The following AKT3 variants were observed in gnomAD, a reference collection of about 807,000 sequenced individuals.
AKT3 encodes RAC-gamma serine/threonine-protein kinase.
Under a neutral mutation model 65.3 loss-of-function variants are expected in AKT3, and 15 were observed. The ratio of observed to expected loss-of-function variants is 0.23; its 90% CI spans 0.15 to 0.35. AKT3 has a LOEUF of 0.35. Ranked by LOEUF, AKT3 falls within the 10% of genes least tolerant of loss-of-function variation. AKT3 has a pLI of 1.00. For synonymous variants in AKT3, 206 were observed against 183.8 expected, an observed-to-expected ratio of 1.12 and a Z score of -0.98; for missense variants, 243 against 576.5, an observed-to-expected ratio of 0.42 and a Z score of 5.92.
intron 12 of AKT3, among the ~76,000 whole-genome samples, chr1:243,517,746 GTCTAA>G (rs1670458024): frequency 6.6e-6 from 1 of 152,184 alleles, no homozygotes; most frequent in Admixed American, 6.5e-5. Context: ...TTTTTACCAA[GTCTAA>G]TCTCTGTCTT....
chr1:243,775,120 C>T (rs1690465676), intron 2 of AKT3, among the ~76,000 whole-genome samples: 1 of 152,112 alleles, frequency 6.6e-6, no homozygotes, highest in African/African-American at 2.4e-5. Flanking sequence ...GCCTCAAATT[C>T]CCAGAGTGTT....
chr1:243,514,741 A>C (rs1472383286), intron 12 of AKT3, among the ~76,000 whole-genome samples: 1 of 152,182 alleles, frequency 6.6e-6, no homozygotes, highest in Non-Finnish European at 1.5e-5. Context: ...TGGAAGGATC[A>C]CTTCAGCCCA....
chr1:243,797,789 T>G (rs931273812), intron 2 of AKT3, among the ~76,000 whole-genome samples: 23 of 151,424 alleles, frequency 1.5e-4, no homozygotes, highest in African/African-American at 5.6e-4. Context: ...TGTATAACTA[T>G]CAGAAGAGCT....
In AKT3 at chr1:243,810,448, C is replaced by T. The variant is rs1330492759; in HGVS notation, c.46+32677G>A. ...TAGAAGAAACGGATAAATTCCTCGACACATACACTCCCCCAAGACTAAACC... is the reference window on the plus strand; with the variant it reads ...TAGAAGAAACGGATAAATTCCTCGATACATACACTCCCCCAAGACTAAACC... On this transcript the variant is annotated intron_variant, in intron 2 of 13. Transcript: ENST00000673466. Among the ~76,000 whole-genome samples, 6 of 151,782 alleles carry T rather than the reference C, an allele frequency of 4.0e-5. No homozygotes were observed. The East Asian group carries it at 1.2e-3, about 29-fold the overall frequency.
intron 4 of AKT3, among the ~76,000 whole-genome samples, chr1:243,662,426 AATC>A (rs1458788880): frequency 2.0e-5 from 3 of 152,096 alleles, no homozygotes; most frequent in Non-Finnish European, 4.4e-5. Flanking sequence ...TGAAATTGGA[AATC>A]ATCATTCTCA....
intron 9 of AKT3, among the ~76,000 whole-genome samples, chr1:243,567,604 C>T (rs969730398): frequency 2.0e-5 from 3 of 148,848 alleles, no homozygotes; most frequent in African/African-American, 7.4e-5. Context: ...GCTGGGATTA[C>T]AAGTTTGAGC....
intron 4 of AKT3, among the ~76,000 whole-genome samples, chr1:243,659,798 A>G (rs931383158): frequency 1.3e-5 from 2 of 152,242 alleles, no homozygotes; most frequent in African/African-American, 4.8e-5. Flanking sequence ...GCAGAATATT[A>G]AAAATAGAGA....
At chr1:243,741,967 A>C (rs1271475785) in intron 2 of AKT3, among the ~76,000 whole-genome samples, 1 of 151,876 alleles carries the variant, frequency 6.6e-6, no homozygotes, top group African/African-American at 2.4e-5. Context: ...CCTGTAAACT[A>C]CAGTATTTTT....
intron 3 of AKT3, among the ~76,000 whole-genome samples, chr1:243,685,277 TGG>T (rs1299243489): frequency 6.6e-6 from 1 of 152,228 alleles, no homozygotes; most frequent in African/African-American, 2.4e-5. Flanking sequence ...AGGGTTTTTA[TGG>T]TTTTACAGTT....
At chr1:243,685,482 T>C in intron 3 of AKT3, among the ~76,000 whole-genome samples, 1 of 152,222 alleles carries the variant, frequency 6.6e-6, no homozygotes, top group East Asian at 1.9e-4. Context: ...AAAGATCAGA[T>C]GACTGTAGAT....
chr1:243,497,854 A>G (rs75828119), downstream of AKT3, among the ~76,000 whole-genome samples: 404 of 151,816 alleles, frequency 2.7e-3, 1 homozygote, highest in African/African-American at 9.5e-3. Context: ...AATTTTTACA[A>G]TTTTTTTTGT....
chr1:243,564,888 T>C (rs1416039591), intron 9 of AKT3, among the ~76,000 whole-genome samples: 1 of 152,168 alleles, frequency 6.6e-6, no homozygotes, highest in African/African-American at 2.4e-5. Context: ...GTGATGACAT[T>C]TGAAAGAATG....
Position 243,637,717 on chromosome 1 carries a change from T to C in AKT3, c.455A>G (p.Lys152Arg), listed in dbSNP as rs1426791205. 1 of 1,565,340 alleles carries C rather than the reference T, an allele frequency of 6.4e-7. No homozygotes were observed. The highest frequency in any genetic ancestry group is 8.8e-7 in the Non-Finnish European group (1 of 1,140,296). Residue 152 changes from lysine to arginine, a missense_variant, in exon 6 of 14, where the codon AAA (lysine) becomes AGA (arginine). By Grantham distance (26) the Lys-to-Arg change is conservative. Coordinates refer to ENST00000673466, the MANE Select transcript of AKT3 (RefSeq NM_005465.7). ...RKTMNDFDYL[K>R]LLGKGTFGKV... ...CCCAAAAGTGCCTTTACCTAGTAGT[T>C]TCAAATAGTCAAAATCATTCATTGT...
At chr1:243,558,276 T>C (rs2148477262) in intron 10 of AKT3, among the ~76,000 whole-genome samples, 1 of 152,176 alleles carries the variant, frequency 6.6e-6, no homozygotes, top group South Asian at 2.1e-4. Context: ...TATCTTTGGT[T>C]TTTAATTTAT....
chr1:243,785,300 G>T (rs537588086), intron 2 of AKT3, among the ~76,000 whole-genome samples: 1 of 149,954 alleles, frequency 6.7e-6, no homozygotes, highest in African/African-American at 2.5e-5. Flanking sequence ...GGATGGTCTC[G>T]ATCTCCTGAC....
chr1:243,566,943 C>T lies in AKT3; in HGVS notation c.820-3095G>A, dbSNP rs1373101621. On this transcript the variant is annotated intron_variant, in intron 9 of 13. Coordinates refer to ENST00000673466, the MANE Select transcript of AKT3 (RefSeq NM_005465.7). The stretch of plus-strand genomic sequence containing the variant: ...TAAAACATTTCTGTTGGCTCAATGA[C>T]TGCATTAAAAATACTTTTCAATATG... 3.9e-5 allele frequency among the ~76,000 whole-genome samples: 6 copies of T among 152,186 alleles called. No homozygotes were observed. The East Asian group carries it at 1.2e-3, about 29-fold the overall frequency.
Position 243,535,330 on chromosome 1 carries a change from G to C in AKT3, c.1251+10180C>G, listed in dbSNP as rs193069500. 2.8e-3 allele frequency among the ~76,000 whole-genome samples: 428 copies of C among 151,786 alleles called. 7 individuals are homozygous for C. The highest frequency in any genetic ancestry group is 0.022 in the Admixed American group (331 of 15,234). ...TGTACCCATCACCCAAATAGTGTAC[G>C]TTGTACCCAACAGGTGACTTTTCAT... On this transcript the variant is annotated intron_variant, in intron 12 of 13. Coordinates refer to ENST00000673466, the MANE Select transcript of AKT3 (RefSeq NM_005465.7).
chr1:243,606,598 C>T (rs1677443954), intron 8 of AKT3, among the ~76,000 whole-genome samples: 1 of 152,178 alleles, frequency 6.6e-6, no homozygotes, highest in Non-Finnish European at 1.5e-5. Flanking sequence ...GCAAAATTTG[C>T]AGCCTGACAA....
At chr1:243,806,173 T>C (rs1303018956) in intron 2 of AKT3, among the ~76,000 whole-genome samples, 1 of 152,172 alleles carries the variant, frequency 6.6e-6, no homozygotes, top group Non-Finnish European at 1.5e-5. Flanking sequence ...ACTTCCTAGT[T>C]CTCCCTTCTA....
Sources: gnomAD v4.1 joint callset for allele counts (sites outside exome capture counted in the v4.1 genomes callset) on GRCh38, gnomAD v4.1.1 for gene constraint, MANE v1.5 for transcripts, NCBI Gene and HGNC (gene_info 2026-07-23, HGNC 2026-07-21) for gene names.